Variants in DOK4 observed in about 807,000 individuals in gnomAD.
DOK4 encodes downstream of tyrosine kinase 4.
A neutral mutation model predicts 40.1 loss-of-function variants in DOK4; 26 were observed. The ratio of observed to expected loss-of-function variants is 0.65; its 90% confidence interval spans 0.48 to 0.90. The LOEUF (loss-of-function observed/expected upper bound fraction) is 0.90. Ranked by LOEUF, DOK4 falls within the 40% of genes least tolerant of loss-of-function variation. The probability of loss-of-function intolerance (pLI) is 0.00; values close to 1 mark genes in which losing one functional copy is unlikely to be tolerated. For synonymous variants in DOK4, 179 were observed against 177.0 expected (o/e 1.01, Z -0.09); for missense variants, 392 against 437.2 (o/e 0.90, Z 0.92).
rs114469687 is a variant in DOK4, at chr16:57,473,852, G to A, written c.738+49C>T. The A allele has an allele frequency of 3.0e-3, 4,736 of 1,582,702 alleles. 111 individuals carry two copies. The African/African-American group carries it at 0.055, about 18-fold the overall frequency. ...CCCAGGCACTTGGCCCTGCCTGCCCGCCCGTTCCCCCCTCCCCCCGTACCC... is the reference window on the plus strand; with the variant it reads ...CCCAGGCACTTGGCCCTGCCTGCCCACCCGTTCCCCCCTCCCCCCGTACCC... On this transcript the variant is annotated intron_variant, in intron 7 of 8. Transcript: ENST00000340099.
At chr16:57,486,383 T>TGGCGGGGGCGGCAGGGC (rs2031540883) in exon 1 of DOK4, 1 of 151,060 alleles carries the variant, frequency 6.6e-6, no homozygotes. Context: ...ACGGCGCGGC[T>TGGCGGGGGCGGCAGGGC]GGCGGGGGCG....
Position 57,485,737 on chromosome 16 carries a change from G to A in DOK4, c.-182+568C>T, listed in dbSNP as rs1410079371. ...CTGGATCTAGGGCCTTGCGGGCCCT[G>A]GGGGAGAAGGTGGACAGGACCTTGG... is the stretch of plus-strand genomic sequence containing the variant. On this transcript the variant is annotated intron_variant, in intron 1 of 8. Transcript: ENST00000340099. This position sits in a 1 kb window ranked among gnomAD's most constrained non-coding sequence, Gnocchi z 4.3. Among the ~76,000 whole-genome samples the A allele has an allele frequency of 1.2e-4, 18 of 152,212 alleles. No homozygotes were observed. The highest frequency in any genetic ancestry group is 4.3e-4 in the African/African-American group (18 of 41,460).
chr16:57,474,623 T>A (rs1251963116), intron 6 of DOK4, 170 bp downstream of exon 6: 15 of 872,158 alleles, frequency 1.7e-5, no homozygotes, highest in Non-Finnish European at 2.4e-5. Flanking sequence ...AAGTTACTCC[T>A]CTAAGCCTCC....
chr16:57,477,956 C>T (rs1389693887), intron 2 of DOK4, among the ~76,000 whole-genome samples: 10 of 152,246 alleles, frequency 6.6e-5, no homozygotes, highest in Non-Finnish European at 1.3e-4. Flanking sequence ...CCCTCTGGAA[C>T]AGGTTTGATA....
downstream of DOK4, chr16:57,471,954 G>T (rs1279812856): frequency 6.5e-6 from 1 of 152,722 alleles, no homozygotes; most frequent in Non-Finnish European, 1.5e-5. Flanking sequence ...TTGATTAACA[G>T]AAGTTGTCTT....
chr16:57,475,586 C>T (rs754136394), exon 4 of DOK4: 3 of 1,608,360 alleles, frequency 1.9e-6, no homozygotes, highest in Non-Finnish European at 2.5e-6. Context: ...CTTGGGGAGC[C>T]GCGTAACACA....
intron 1 of DOK4, among the ~76,000 whole-genome samples, chr16:57,481,291 A>C (rs949909544): frequency 1.3e-5 from 2 of 152,150 alleles, no homozygotes; most frequent in Non-Finnish European, 2.9e-5. Context: ...ATGCGCCCCT[A>C]TCCCACTTGC....
intron 6 of DOK4, 111 bp downstream of exon 6, chr16:57,474,682 A>T: frequency 7.5e-7 from 1 of 1,337,898 alleles, no homozygotes; most frequent in Admixed American, 2.1e-5. Context: ...CCCCCTTGGG[A>T]TTGCTAGGCC....
upstream of DOK4, chr16:57,486,505 C>G (rs13330197): frequency 6.6e-6 from 1 of 151,184 alleles, no homozygotes; most frequent in East Asian, 2.0e-4. Context: ...CTCCGCTCCC[C>G]CCTCCGCCAG....
chr16:57,478,043 G>A (rs1397179490), intron 2 of DOK4, among the ~76,000 whole-genome samples: 3 of 152,234 alleles, frequency 2.0e-5, no homozygotes, highest in Non-Finnish European at 4.4e-5. Context: ...AGCCCAGCTG[G>A]CCCCTGGGGA....
chr16:57,482,591 T>C (rs1001977003), intron 1 of DOK4, among the ~76,000 whole-genome samples: 7 of 151,750 alleles, frequency 4.6e-5, no homozygotes, highest in Non-Finnish European at 8.8e-5. Flanking sequence ...ATGGTCTCGA[T>C]CTCCTGACCT....
At chr16:57,484,157 A>C (rs1751033893) in intron 1 of DOK4, 1 of 152,420 alleles carries the variant, frequency 6.6e-6, no homozygotes, top group South Asian at 2.1e-4. Context: ...CTTTGGCTCC[A>C]GAACAAACGC....
rs142650688 is a variant in DOK4 at position 57,473,932 on chromosome 16, C to T, written c.707G>A (p.Arg236Gln). ...GTTCTTCTCCATTTCCAGCAGGACC[C>T]GCTTGTGCTGCTCTGCGATGGCCAG... Residue 236 changes from arginine (R) to glutamine (Q), a missense_variant, in exon 7 of 9, where the codon CGG becomes CAG. Coordinates refer to ENST00000340099, the Ensembl canonical transcript of DOK4. 3.5e-5 allele frequency: 56 copies of T among 1,614,038 alleles called. No homozygotes were observed. The African/African-American group carries it at 6.3e-4, about 18-fold the overall frequency.
rs1284105479 is a variant in DOK4, at chr16:57,479,072, G to C, written c.66+370C>G. Among the ~76,000 whole-genome samples the C allele has an allele frequency of 6.6e-6, 1 of 152,310 alleles. No individual in the cohort carries two copies. Among genetic ancestry groups the C allele is most frequent in the East Asian group, 1.9e-4 (1 of 5,164 alleles). The stretch of plus-strand genomic sequence containing the variant: ...GAAGGGAGAGGAGGCCAGGGGAAGT[G>C]AGACGCTGCTTCTCAGCTCAGACAC... On this transcript the variant is annotated intron_variant, in intron 2 of 8. Coordinates refer to ENST00000340099, the Ensembl canonical transcript of DOK4. The surrounding 1 kb of genome is among the most constrained non-coding windows in gnomAD (Gnocchi z 5.8).
chr16:57,477,449 A>C (rs2031229853), intron 2 of DOK4, among the ~76,000 whole-genome samples: 1 of 152,236 alleles, frequency 6.6e-6, no homozygotes, highest in Admixed American at 6.5e-5. Flanking sequence ...GCCATGCTAA[A>C]CAAGTGAATG....
chr16:57,475,920 G>C (rs954258294), exon 3 of DOK4: 6 of 1,613,648 alleles, frequency 3.7e-6, no homozygotes, highest in Non-Finnish European at 5.1e-6. Context: ...CCCCTTGCTG[G>C]AGGATTTCCG....
intron 2 of DOK4, among the ~76,000 whole-genome samples, chr16:57,478,165 C>T (rs2031266602): frequency 6.6e-6 from 1 of 152,246 alleles, no homozygotes; most frequent in African/African-American, 2.4e-5. Context: ...TGCTCCAAGT[C>T]AGTGGGCTGA....
exon 9 of DOK4, chr16:57,472,024 G>C (rs989194736): frequency 1.3e-5 from 2 of 152,648 alleles, no homozygotes; most frequent in Non-Finnish European, 1.5e-5. Context: ...ATGCGTCATC[G>C]TGCCACTTAG....
chr16:57,474,599 T>C (rs2031052172), intron 6 of DOK4, 194 bp downstream of exon 6: 1 of 713,126 alleles, frequency 1.4e-6, no homozygotes, highest in South Asian at 1.9e-5. Context: ...TCACTTGACC[T>C]GCATGCTGTG....
Sources: allele counts gnomAD v4.1 joint callset (sites outside exome capture counted in the v4.1 genomes callset), GRCh38; gene constraint gnomAD v4.1.1; non-coding constraint Gnocchi (gnomAD v3.1); transcripts MANE v1.5; gene names NCBI Gene and HGNC (gene_info 2026-07-23, HGNC 2026-07-21).